STAU2: variants seen among roughly 807,000 people sequenced by gnomAD.
The protein encoded by STAU2 is double-stranded RNA-binding protein Staufen homolog 2.
A neutral mutation model predicts 65.9 loss-of-function variants in STAU2; 20 were observed. The observed-to-expected ratio is 0.30, with a 90% CI of 0.21 to 0.44. STAU2 has a LOEUF of 0.44. STAU2 is among the 20% of genes least tolerant of loss of function. STAU2 has a pLI of 1.00. For synonymous variants in STAU2, 232 were observed against 233.9 expected, an observed-to-expected ratio of 0.99 and a Z score of 0.07; for missense variants, 558 against 683.9, an observed-to-expected ratio of 0.82 and a Z score of 2.05.
intron 11 of STAU2, among the ~76,000 whole-genome samples, chr8:73,592,679 T>C (rs1414788038): frequency 3.9e-5 from 6 of 152,010 alleles, no homozygotes; most frequent in Admixed American, 3.9e-4. Flanking sequence ...GCCAACAAGG[T>C]GAAACCGCTT....
chr8:73,502,913 A>C (rs1217202110), intron 13 of STAU2, among the ~76,000 whole-genome samples: 1 of 152,112 alleles, frequency 6.6e-6, no homozygotes, highest in East Asian at 1.9e-4. Flanking sequence ...TGAATGATTA[A>C]CTTTTATGTT....
chr8:73,573,828 C>A lies in STAU2; in HGVS notation c.1222+8942G>T, dbSNP rs547878532. Among the ~76,000 whole-genome samples the A allele has an allele frequency of 8.9e-4, 135 of 152,268 alleles. 1 individual carries two copies. Among genetic ancestry groups the A allele is most frequent in the Middle Eastern group, 6.8e-3 (2 of 294 alleles). ...AAAAGAAAACCTAGGCAATACCATT[C>A]AGGACATAGGCATGGGCAAGGAGTT... On this transcript the variant is annotated intron_variant, in intron 12 of 14. Coordinates refer to ENST00000524300, the MANE Select transcript of STAU2 (RefSeq NM_001164380.2).
intron 11 of STAU2, among the ~76,000 whole-genome samples, chr8:73,588,898 C>T (rs935197014): frequency 2.0e-5 from 3 of 151,890 alleles, no homozygotes. Flanking sequence ...CATCCAGGCT[C>T]ACAGAATCTG....
chr8:73,586,646 C>CAAAAAAAAAAAAAAAAAAAAAAAAAA (rs56687221), intron 11 of STAU2, among the ~76,000 whole-genome samples: 1 of 62,740 alleles, frequency 1.6e-5, no homozygotes, highest in Non-Finnish European at 3.6e-5. Flanking sequence ...AAAAAAAATG[C>CAAAAAAAAAAAAAAAAAAAAAAAAAA]AAAAAAAAAA....
At chr8:73,518,314 C>A (rs1822852452) in intron 13 of STAU2, among the ~76,000 whole-genome samples, 1 of 152,174 alleles carries the variant, frequency 6.6e-6, no homozygotes. Context: ...ATGTTTAAGG[C>A]AATATTTGAT....
intron 6 of STAU2, among the ~76,000 whole-genome samples, chr8:73,663,689 C>T (rs909884673): frequency 1.3e-5 from 2 of 150,564 alleles, no homozygotes; most frequent in Admixed American, 1.3e-4. Context: ...TTCACATCAA[C>T]TTTGAGAGAA....
chr8:73,493,876 T>A (rs954143042), intron 13 of STAU2, among the ~76,000 whole-genome samples: 1 of 151,812 alleles, frequency 6.6e-6, no homozygotes, highest in African/African-American at 2.4e-5. Context: ...ACAAACTGCA[T>A]TTATGCAATG....
chr8:73,496,822 C>T (rs994889013), intron 13 of STAU2, among the ~76,000 whole-genome samples: 24 of 151,622 alleles, frequency 1.6e-4, no homozygotes, highest in Non-Finnish European at 5.9e-5. Flanking sequence ...GAGCACACAT[C>T]CCAATTTGGA....
At chr8:73,553,434 T>C (rs1223059273) in intron 12 of STAU2, among the ~76,000 whole-genome samples, 2 of 152,116 alleles carry the variant, frequency 1.3e-5, no homozygotes, top group East Asian at 1.9e-4. Context: ...GTTCCATAAA[T>C]AAAAACTGAA....
intron 12 of STAU2, among the ~76,000 whole-genome samples, chr8:73,553,543 G>A (rs1273917881): frequency 6.6e-6 from 1 of 152,040 alleles, no homozygotes; most frequent in South Asian, 2.1e-4. Context: ...AAATCTATTC[G>A]ACTTGGTTTA....
At chr8:73,592,659 GA>G (rs1486928715) in intron 11 of STAU2, among the ~76,000 whole-genome samples, 2 of 152,114 alleles carry the variant, frequency 1.3e-5, no homozygotes, top group African/African-American at 4.8e-5. Context: ...AGGAGAGCAA[GA>G]CCAGCCCAGC....
chr8:73,451,699 TG>T (rs2128895355), intron 13 of STAU2, among the ~76,000 whole-genome samples: 2 of 152,174 alleles, frequency 1.3e-5, no homozygotes, highest in South Asian at 4.2e-4. Context: ...CAGACCTTGC[TG>T]GAGGAGAACA....
At chr8:73,686,360 C>T (rs556879399) in intron 5 of STAU2, among the ~76,000 whole-genome samples, 36 of 152,210 alleles carry the variant, frequency 2.4e-4, no homozygotes, top group Non-Finnish European at 4.7e-4. Flanking sequence ...ACCATCCTGG[C>T]TAACACAGTG....
At chr8:73,563,913 T>C (rs1808410141) in intron 12 of STAU2, among the ~76,000 whole-genome samples, 1 of 152,202 alleles carries the variant, frequency 6.6e-6, no homozygotes, top group Non-Finnish European at 1.5e-5. Context: ...AACAATGATA[T>C]ACAGACCAAA....
chr8:73,545,870 AT>A (rs1438525789), intron 13 of STAU2, among the ~76,000 whole-genome samples: 1 of 150,860 alleles, frequency 6.6e-6, no homozygotes, highest in Non-Finnish European at 1.5e-5. Flanking sequence ...GATGGTTTCG[AT>A]CTCCTGACCT....
chr8:73,515,055 AT>A (rs1025628444), intron 13 of STAU2, among the ~76,000 whole-genome samples: 9 of 151,878 alleles, frequency 5.9e-5, no homozygotes, highest in Non-Finnish European at 1.3e-4. Flanking sequence ...ACACTTTTGG[AT>A]TTTTTTTTCC....
rs563569135 is a variant in STAU2 at position 73,590,122 on chromosome 8, C to T, written c.1161+5044G>A. Among the ~76,000 whole-genome samples, 49 of 128,140 alleles carry T rather than the reference C, an allele frequency of 3.8e-4. No individual in the cohort carries two copies. In the South Asian group the frequency reaches 0.011, roughly 28 times the overall value. The allele number at this position is 128,140 out of a possible 152,430, so 84.1% of individuals were successfully genotyped here. A position where few individuals can be genotyped will look rare whatever the true frequency, so the allele number is the denominator to read the frequency against. On this transcript the variant is annotated intron_variant, in intron 11 of 14. Coordinates refer to ENST00000524300, the MANE Select transcript of STAU2 (RefSeq NM_001164380.2). ...AAGGAAGTAGGAGGAGAAGAAAAAACGAGAGAAGAAATGAGAAGAAGGAAG... is the reference window on the plus strand; with the variant it reads ...AAGGAAGTAGGAGGAGAAGAAAAAATGAGAGAAGAAATGAGAAGAAGGAAG...
intron 6 of STAU2, among the ~76,000 whole-genome samples, chr8:73,638,144 G>A (rs928477385): frequency 2.6e-5 from 4 of 151,718 alleles, no homozygotes; most frequent in African/African-American, 9.7e-5. Flanking sequence ...GGCAAAATTG[G>A]GTAACTGGAA....
At chr8:73,448,765 G>C (rs910171839) in intron 13 of STAU2, among the ~76,000 whole-genome samples, 1 of 152,242 alleles carries the variant, frequency 6.6e-6, no homozygotes, top group East Asian at 1.9e-4. Flanking sequence ...ACAGAGCAAC[G>C]ACAATCCAGC....
Sources: gnomAD v4.1 joint callset for allele counts (sites outside exome capture counted in the v4.1 genomes callset) on GRCh38, gnomAD v4.1.1 for gene constraint, MANE v1.5 for transcripts, NCBI Gene and HGNC (gene_info 2026-07-23, HGNC 2026-07-21) for gene names.